Variants in HS6ST3 observed in about 807,000 individuals in gnomAD.
HS6ST3 encodes the protein heparan-sulfate 6-O-sulfotransferase 3.
HS6ST3 carries 12 observed loss-of-function variants against 36.7 expected under a neutral mutation model. That is an observed-to-expected ratio of 0.33 (90% confidence interval 0.21 to 0.53). The LOEUF is 0.53. Among genes scored for constraint, HS6ST3 ranks in the 20% least tolerant of loss-of-function variants. HS6ST3 has a pLI of 0.95. For missense variants in HS6ST3, 584 were observed against 640.9 expected, an observed-to-expected ratio of 0.91 and a Z score of 0.96; for synonymous variants, 240 against 257.5, an observed-to-expected ratio of 0.93 and a Z score of 0.65.
At chr13:96,490,661 C>T (rs939191335) in intron 1 of HS6ST3, among the ~76,000 whole-genome samples, 1 of 152,156 alleles carries the variant, frequency 6.6e-6, no homozygotes, top group African/African-American at 2.4e-5. Context: ...GTTCTGATGT[C>T]ACTTGAGAGG....
At chr13:96,189,322 A>G (rs2054278528) in intron 1 of HS6ST3, among the ~76,000 whole-genome samples, 1 of 152,166 alleles carries the variant, frequency 6.6e-6, no homozygotes, top group Non-Finnish European at 1.5e-5. Context: ...TAACAGAGTC[A>G]ACAATAGCAG....
chr13:96,823,934 C>T (rs575809034), intron 1 of HS6ST3, among the ~76,000 whole-genome samples: 1 of 152,276 alleles, frequency 6.6e-6, no homozygotes, highest in African/African-American at 2.4e-5. Flanking sequence ...TTCTTTTTTA[C>T]TGTTCTGCAG....
chr13:96,173,418 G>C (rs1193177633), intron 1 of HS6ST3, among the ~76,000 whole-genome samples: 2 of 152,120 alleles, frequency 1.3e-5, no homozygotes, highest in Non-Finnish European at 2.9e-5. Flanking sequence ...TGTGTGAATT[G>C]ATATGTCATT....
chr13:96,741,243 C>T (rs1046405596), intron 1 of HS6ST3, among the ~76,000 whole-genome samples: 4 of 152,134 alleles, frequency 2.6e-5, no homozygotes, highest in East Asian at 1.9e-4. Flanking sequence ...TTCACAATCC[C>T]GAAGATTCCC....
At chr13:96,258,859 T>C (rs2054650601) in intron 1 of HS6ST3, among the ~76,000 whole-genome samples, 1 of 152,182 alleles carries the variant, frequency 6.6e-6, no homozygotes, top group Admixed American at 6.5e-5. Context: ...ATCTCTTCCC[T>C]ATAGGTGGTT....
intron 1 of HS6ST3, among the ~76,000 whole-genome samples, chr13:96,186,523 A>C (rs1398296936): frequency 6.6e-6 from 1 of 152,216 alleles, no homozygotes; most frequent in East Asian, 1.9e-4. Flanking sequence ...ATGTGATTCA[A>C]AGTAATGTGT....
intron 1 of HS6ST3, among the ~76,000 whole-genome samples, chr13:96,580,123 T>A (rs908785999): frequency 3.3e-5 from 5 of 150,642 alleles, no homozygotes; most frequent in African/African-American, 1.2e-4. Flanking sequence ...CTTCTAAGAG[T>A]CAATTTGACT....
At chr13:96,168,312 G>A (rs1244950795) in intron 1 of HS6ST3, among the ~76,000 whole-genome samples, 1 of 152,034 alleles carries the variant, frequency 6.6e-6, no homozygotes, top group African/African-American at 2.4e-5. Context: ...AATGTTTCTG[G>A]TACACAAAGG....
At chr13:96,193,071 C>G (rs1467923571) in intron 1 of HS6ST3, among the ~76,000 whole-genome samples, 1 of 152,144 alleles carries the variant, frequency 6.6e-6, no homozygotes, top group Non-Finnish European at 1.5e-5. Flanking sequence ...AGTCCTGTCT[C>G]TAGCACTTCC....
chr13:96,706,413 T>TATATATATA, intron 1 of HS6ST3, among the ~76,000 whole-genome samples: 1 of 121,026 alleles, frequency 8.3e-6, no homozygotes, highest in African/African-American at 3.5e-5. Flanking sequence ...AGAATATATT[T>TATATATATA]TATATATATA....
intron 1 of HS6ST3, among the ~76,000 whole-genome samples, chr13:96,410,810 T>G (rs1392482267): frequency 6.6e-6 from 1 of 152,186 alleles, no homozygotes; most frequent in Non-Finnish European, 1.5e-5. Flanking sequence ...TGGAAGCAAA[T>G]ACATCTAAAT....
chr13:96,330,126 C>G (rs1282804873), intron 1 of HS6ST3, among the ~76,000 whole-genome samples: 4 of 137,882 alleles, frequency 2.9e-5, no homozygotes, highest in African/African-American at 1.1e-4. Context: ...TGGGTCTTGA[C>G]TCTTTATCCA....
At chr13:96,188,453 A>G (rs1483540145) in intron 1 of HS6ST3, among the ~76,000 whole-genome samples, 2 of 152,092 alleles carry the variant, frequency 1.3e-5, no homozygotes, top group African/African-American at 4.8e-5. Context: ...CCCCATCGCT[A>G]CAAAAACAAA....
chr13:96,186,928 G>GCCACT (rs1158326966), intron 1 of HS6ST3, among the ~76,000 whole-genome samples: 1 of 152,180 alleles, frequency 6.6e-6, no homozygotes, highest in Non-Finnish European at 1.5e-5. Context: ...GATTGAAGAG[G>GCCACT]CCACTGTATG....
intron 1 of HS6ST3, among the ~76,000 whole-genome samples, chr13:96,586,297 A>T (rs2056360967): frequency 6.6e-6 from 1 of 151,502 alleles, no homozygotes; most frequent in Non-Finnish European, 1.5e-5. Context: ...TGGGTATTTC[A>T]ATGTCTTTTT....
chr13:96,236,472 C>T (rs1243373942), intron 1 of HS6ST3, among the ~76,000 whole-genome samples: 1 of 152,022 alleles, frequency 6.6e-6, no homozygotes, highest in Non-Finnish European at 1.5e-5. Context: ...CATTCCTCAC[C>T]TCTGCCACTC....
chr13:96,175,304 C>T (rs1368107032), intron 1 of HS6ST3, among the ~76,000 whole-genome samples: 2 of 152,044 alleles, frequency 1.3e-5, no homozygotes, highest in Non-Finnish European at 2.9e-5. Flanking sequence ...ACTTTCCCAT[C>T]GTCTGATGTT....
In HS6ST3 at chr13:96,674,640, G is replaced by T. The variant is rs369971003; in HGVS notation, c.708-157850G>T. 1.4e-4 allele frequency among the ~76,000 whole-genome samples: 21 copies of T among 152,072 alleles called. 1 individual carries two copies. Among genetic ancestry groups the T allele is most frequent in the African/African-American group, 4.3e-4 (18 of 41,490 alleles). On this transcript the variant is annotated intron_variant, in intron 1 of 1. Transcript: ENST00000376705. ...ACATGGACTCGTTGTTGTTGAGTTC[G>T]CCTCACTGATTCATTCTCAGCAGAA...
At chr13:96,779,129 T>C (rs1009823754) in intron 1 of HS6ST3, among the ~76,000 whole-genome samples, 10 of 151,660 alleles carry the variant, frequency 6.6e-5, no homozygotes, top group Non-Finnish European at 1.0e-4. Context: ...TGAGAACACA[T>C]GGACACAGGG....
Sources: allele counts gnomAD v4.1 joint callset (sites outside exome capture counted in the v4.1 genomes callset), GRCh38; gene constraint gnomAD v4.1.1; transcripts MANE v1.5; gene names NCBI Gene and HGNC (gene_info 2026-07-23, HGNC 2026-07-21).